Variants in KCNQ1 observed in about 807,000 individuals in gnomAD.
KCNQ1 encodes the protein potassium voltage-gated channel subfamily Q member 1, also known as potassium voltage-gated channel subfamily KQT member 1.
In KCNQ1, 49 loss-of-function variants were observed where a neutral mutation model predicts 72.4. The observed-to-expected ratio is 0.68, with a 90% CI of 0.54 to 0.86. The LOEUF (loss-of-function observed/expected upper bound fraction) is 0.86, where lower values mean the gene tolerates loss of function less well. KCNQ1 is among the 40% of genes least tolerant of loss of function. KCNQ1 has a pLI of 0.00. For synonymous variants in KCNQ1, 450 were observed against 412.6 expected, an observed-to-expected ratio of 1.09 and a Z score of -1.10; for missense variants, 790 against 945.1, an observed-to-expected ratio of 0.84 and a Z score of 2.15.
rs541553416 is a variant in KCNQ1 at position 2,760,427 on chromosome 11, G to A, written c.1515-8417G>A. On this transcript the variant is annotated intron_variant, in intron 11 of 15. Transcript: ENST00000155840. ...TAATGAATGAACAGGTGAGATACAG[G>A]TCAGTGGGTGCATGAATGAGTGAGG... 2.4e-3 allele frequency among the ~76,000 whole-genome samples: 367 copies of A among 152,320 alleles called. 2 individuals carry two copies. Among genetic ancestry groups the A allele is most frequent in the Non-Finnish European group, 4.3e-3 (291 of 68,022 alleles).
chr11:2,540,944 C>G (rs1847812825), intron 2 of KCNQ1, among the ~76,000 whole-genome samples: 1 of 152,206 alleles, frequency 6.6e-6, no homozygotes, highest in African/African-American at 2.4e-5. Flanking sequence ...CGTGTCCAGC[C>G]CAGATGCCTT....
chr11:2,554,646 T>A (rs1848041342), intron 2 of KCNQ1, among the ~76,000 whole-genome samples: 1 of 152,162 alleles, frequency 6.6e-6, no homozygotes, highest in South Asian at 2.1e-4. Context: ...GATCAGACTT[T>A]CTCTGTTTCC....
At chr11:2,812,201 T>G (rs1847502244) in intron 15 of KCNQ1, among the ~76,000 whole-genome samples, 1 of 152,196 alleles carries the variant, frequency 6.6e-6, no homozygotes, top group Non-Finnish European at 1.5e-5. Flanking sequence ...GAAACACCCC[T>G]GAAACTTGTC....
In KCNQ1 at chr11:2,645,917, T is replaced by C; in HGVS notation, c.1394-16044T>C. On this transcript the variant is annotated intron_variant, in intron 10 of 15. Coordinates refer to ENST00000155840, the MANE Select transcript of KCNQ1 (RefSeq NM_000218.3). This position sits in a 1 kb window ranked among gnomAD's most constrained non-coding sequence, Gnocchi z 5.8. ...AGCTGTTCATTGCCATTTCACAGTC[T>C]GTAGGTAGCCTCTTGTTAGTCTCAA... is the stretch of plus-strand genomic sequence containing the variant. 2.5e-6 allele frequency: 1 copy of C among 398,630 alleles called. No homozygotes were observed. The highest frequency in any genetic ancestry group is 3.6e-5 in the East Asian group (1 of 28,082). 24.7% of individuals were successfully genotyped at this position (398,630 alleles called of 1,614,324 possible). A position where few individuals can be genotyped will look rare whatever the true frequency, so the allele number is the denominator to read the frequency against.
rs1310253636 is a variant in KCNQ1 at position 2,767,633 on chromosome 11, G to A, written c.1515-1211G>A. ...TCCAGTAGGGGATTGAGAGAGGTGG[G>A]GTTAATGTGATGGAAAGTTGGCATT... On this transcript the variant is annotated intron_variant, in intron 11 of 15. Coordinates refer to ENST00000155840, the MANE Select transcript of KCNQ1 (RefSeq NM_000218.3). The surrounding 1 kb of genome is among the most constrained non-coding windows in gnomAD (Gnocchi z 4.6). Among the ~76,000 whole-genome samples the A allele has an allele frequency of 6.6e-6, 1 of 152,178 alleles. No individual in the cohort carries two copies. Among genetic ancestry groups the A allele is most frequent in the African/African-American group, 2.4e-5 (1 of 41,454 alleles).
Position 2,664,922 on chromosome 11 carries a change from C to G in KCNQ1, c.1514+2841C>G. On this transcript the variant is annotated intron_variant, in intron 11 of 15. Transcript: ENST00000155840. The surrounding 1 kb of genome is among the most constrained non-coding windows in gnomAD (Gnocchi z 5.1). ...GTTTCCATCTCGAGCTCTCCCCGCCCGCAGGGCCCCAGAGAGGTGAGGTCA... is the reference window on the plus strand; with the variant it reads ...GTTTCCATCTCGAGCTCTCCCCGCCGGCAGGGCCCCAGAGAGGTGAGGTCA... 2.5e-6 allele frequency: 1 copy of G among 398,610 alleles called. No individual in the cohort carries two copies. The highest frequency in any genetic ancestry group is 4.4e-6 in the Non-Finnish European group (1 of 226,078). The allele number at this position is 398,610 out of a possible 1,614,324, so 24.7% of individuals were successfully genotyped here.
Position 2,571,418 on chromosome 11 carries a change from C to G in KCNQ1, c.683+15C>G. ...TCGGCCATCAGGTGCGTCTGTGCCA[C>G]AAGCTCCCCCCGCCATGCCGCCCCA... On this transcript the variant is annotated intron_variant, in intron 4 of 15. Coordinates refer to ENST00000155840, the MANE Select transcript of KCNQ1 (RefSeq NM_000218.3). The G allele has an allele frequency of 6.2e-7, 1 of 1,604,758 alleles. No homozygotes were observed.
intron 1 of KCNQ1, among the ~76,000 whole-genome samples, chr11:2,510,810 G>A (rs1333134983): frequency 1.3e-5 from 2 of 152,150 alleles, no homozygotes; most frequent in South Asian, 2.1e-4. Flanking sequence ...TGCACTCCTG[G>A]GCGTGGCCTT....
intron 11 of KCNQ1, chr11:2,689,632 C>G (rs1590034344): frequency 2.5e-6 from 1 of 398,686 alleles, no homozygotes; most frequent in East Asian, 3.6e-5. Context: ...ACAAAACAAG[C>G]CAGCAGGTGC....
chr11:2,722,865 C>T (rs1010335465), intron 11 of KCNQ1, among the ~76,000 whole-genome samples: 4 of 152,170 alleles, frequency 2.6e-5, no homozygotes, highest in African/African-American at 9.7e-5. Flanking sequence ...CTGAGCCACC[C>T]TTCTGAGTGG....
rs968646343 is a variant in KCNQ1, at chr11:2,495,032, A to G, written c.387-32896A>G. On this transcript the variant is annotated intron_variant, in intron 1 of 15. Coordinates refer to ENST00000155840, the MANE Select transcript of KCNQ1 (RefSeq NM_000218.3). This position sits in a 1 kb window ranked among gnomAD's most constrained non-coding sequence, Gnocchi z 4.6. Reference sequence around the variant, plus strand: ...CAATTTCAGAACTTGTTGTTGGTCTATTCAGGGATTCGACTTTTTCCTGGT... The same window carrying G: ...CAATTTCAGAACTTGTTGTTGGTCTGTTCAGGGATTCGACTTTTTCCTGGT... 2.6e-5 allele frequency among the ~76,000 whole-genome samples: 4 copies of G among 152,122 alleles called. No individual in the cohort carries two copies. Among genetic ancestry groups the G allele is most frequent in the African/African-American group, 7.2e-5 (3 of 41,422 alleles).
intron 10 of KCNQ1, chr11:2,639,935 G>A (rs182671271): frequency 0.02 from 3,078 of 153,918 alleles, 107 homozygotes; most frequent in African/African-American, 0.069. Flanking sequence ...CCTCGCTGCC[G>A]CCTTGCAGTT....
chr11:2,746,857 A>G lies in KCNQ1; in HGVS notation c.1515-21987A>G, dbSNP rs1124811. Among the ~76,000 whole-genome samples the G allele has an allele frequency of 0.42, 64,187 of 151,966 alleles. 13,650 individuals are homozygous for G. Among genetic ancestry groups the G allele is most frequent in the Middle Eastern group, 0.49 (144 of 294 alleles). On this transcript the variant is annotated intron_variant, in intron 11 of 15. Coordinates refer to ENST00000155840, the MANE Select transcript of KCNQ1 (RefSeq NM_000218.3). This position sits in a 1 kb window ranked among gnomAD's most constrained non-coding sequence, Gnocchi z 5.9. ...CCCTGGGATGTGGATCACACTGGTG[A>G]CCCCTGTGAGCCCCACTGGGGACAG...
intron 11 of KCNQ1, chr11:2,667,481 A>G: frequency 2.5e-6 from 1 of 397,056 alleles, no homozygotes; most frequent in Non-Finnish European, 4.4e-6. Flanking sequence ...AGGATGTGAC[A>G]GAGAGAACAT....
intron 15 of KCNQ1, among the ~76,000 whole-genome samples, chr11:2,820,984 T>C (rs1195424152): frequency 6.6e-6 from 1 of 152,240 alleles, no homozygotes; most frequent in Non-Finnish European, 1.5e-5. Context: ...TCTGGGGCTG[T>C]TTCTAGGCCC....
chr11:2,795,253 G>A (rs561277720), intron 15 of KCNQ1, among the ~76,000 whole-genome samples: 20 of 152,342 alleles, frequency 1.3e-4, no homozygotes, highest in Admixed American at 2.0e-4. Flanking sequence ...CCTTCGCCTC[G>A]GGCTGGAGCT....
At position 2,808,695 on chromosome 11, in the gene KCNQ1, T is replaced by C. The variant is rs759995964; in HGVS notation, c.1794+30658T>C. 6.6e-6 allele frequency among the ~76,000 whole-genome samples: 1 copy of C among 152,182 alleles called. No individual in the cohort carries two copies. The highest frequency in any genetic ancestry group is 1.5e-5 in the Non-Finnish European group (1 of 68,022). On this transcript the variant is annotated intron_variant, in intron 15 of 15. Coordinates refer to ENST00000155840, the MANE Select transcript of KCNQ1 (RefSeq NM_000218.3). The surrounding 1 kb of genome is among the most constrained non-coding windows in gnomAD (Gnocchi z 6.0). Reference sequence around the variant, plus strand: ...TGAAAGGTAAATACCTTCATGACCATGCCCCCTTTCCCTAGGATACCCCTT... The same window carrying C: ...TGAAAGGTAAATACCTTCATGACCACGCCCCCTTTCCCTAGGATACCCCTT...
rs1369815048 is a variant in KCNQ1 at position 2,669,015 on chromosome 11, A to T, written c.1514+6934A>T. On this transcript the variant is annotated intron_variant, in intron 11 of 15. Transcript: ENST00000155840. This position sits in a 1 kb window ranked among gnomAD's most constrained non-coding sequence, Gnocchi z 5.6. Reference sequence around the variant, plus strand: ...CAAGGTCCACTCTTCCCCTACTTGGATATCCAGTCTAGCTCAGCACCCGGC... The same window carrying T: ...CAAGGTCCACTCTTCCCCTACTTGGTTATCCAGTCTAGCTCAGCACCCGGC... The T allele has an allele frequency of 5.0e-6, 2 of 398,478 alleles. No homozygotes were observed. Among genetic ancestry groups the T allele is most frequent in the Non-Finnish European group, 8.8e-6 (2 of 226,094 alleles). The allele number at this position is 398,478 out of a possible 1,614,324, so 24.7% of individuals were successfully genotyped here. A position where few individuals can be genotyped will look rare whatever the true frequency, so the allele number is the denominator to read the frequency against.
intron 1 of KCNQ1, among the ~76,000 whole-genome samples, chr11:2,502,515 A>C (rs1413566708): frequency 1.6e-4 from 24 of 152,358 alleles, no homozygotes; most frequent in African/African-American, 5.8e-4. Flanking sequence ...AAATTATAAT[A>C]CACTGATGCA....
Sources: allele counts gnomAD v4.1 joint callset (sites outside exome capture counted in the v4.1 genomes callset), GRCh38; gene constraint gnomAD v4.1.1; non-coding constraint Gnocchi (gnomAD v3.1); transcripts MANE v1.5; gene names NCBI Gene and HGNC (gene_info 2026-07-23, HGNC 2026-07-21).